The following WDR72 variants were observed in gnomAD, a reference collection of about 807,000 sequenced individuals.
WDR72 encodes WD repeat-containing protein 72.
In WDR72, 120 loss-of-function variants were observed where a neutral mutation model predicts 124.2. The observed-to-expected ratio is 0.97, with a 90% CI of 0.83 to 1.12. The LOEUF is 1.12. Ranked by LOEUF, WDR72 falls within the 50% of genes most tolerant of loss-of-function variation. The pLI, the probability that WDR72 is intolerant of heterozygous loss-of-function variation, is 0.00. For synonymous variants in WDR72, 452 were observed against 441.7 expected (o/e 1.02, Z -0.29); for missense variants, 1,387 against 1,278.8 (o/e 1.08, Z -1.29).
intron 1 of WDR72, among the ~76,000 whole-genome samples, chr15:53,743,057 T>A (rs139465575): frequency 3.9e-5 from 6 of 152,240 alleles, no homozygotes; most frequent in African/African-American, 9.6e-5. Flanking sequence ...TGAATGGGCT[T>A]CAGGAAGCTC....
chr15:53,728,468 C>G (rs754183035), intron 2 of WDR72, among the ~76,000 whole-genome samples: 2 of 152,176 alleles, frequency 1.3e-5, no homozygotes, highest in African/African-American at 2.4e-5. Context: ...GTGTTTAAAT[C>G]CCCATTTCAC....
intron 13 of WDR72, among the ~76,000 whole-genome samples, chr15:53,697,508 A>T (rs2017039155): frequency 1.3e-5 from 2 of 152,178 alleles, no homozygotes; most frequent in African/African-American, 2.4e-5. Context: ...GGGTTCCAAC[A>T]ACAATGTTTT....
At chr15:53,562,140 C>T (rs1313680809) in intron 18 of WDR72, among the ~76,000 whole-genome samples, 2 of 151,646 alleles carry the variant, frequency 1.3e-5, no homozygotes, top group Non-Finnish European at 2.9e-5. Flanking sequence ...AAACTGAGAC[C>T]AGGAGGGGTT....
chr15:53,617,560 A>G (rs1258275917), intron 14 of WDR72, among the ~76,000 whole-genome samples: 1 of 151,728 alleles, frequency 6.6e-6, no homozygotes, highest in Admixed American at 6.6e-5. Flanking sequence ...AAATTTGTCA[A>G]ATAAGGGTTA....
intron 18 of WDR72, among the ~76,000 whole-genome samples, chr15:53,573,867 AT>A (rs1191945445): frequency 6.6e-6 from 1 of 152,070 alleles, no homozygotes; most frequent in African/African-American, 2.4e-5. Flanking sequence ...TTTCATTTGC[AT>A]TTTTTAATTT....
chr15:53,726,447 G>GA (rs2018041792), intron 2 of WDR72, among the ~76,000 whole-genome samples: 1 of 151,476 alleles, frequency 6.6e-6, no homozygotes, highest in Non-Finnish European at 1.5e-5. Context: ...ATAGTCTATT[G>GA]AAATACTTTT....
At chr15:53,529,164 A>ATATATTTTTTTTT (rs59003623) in intron 18 of WDR72, among the ~76,000 whole-genome samples, 11 of 78,154 alleles carry the variant, frequency 1.4e-4, no homozygotes, top group African/African-American at 5.0e-4. Context: ...ATATATATAT[A>ATATATTTTTTTTT]TTTTTTTTTT....
intron 18 of WDR72, among the ~76,000 whole-genome samples, chr15:53,565,023 G>A (rs1392667734): frequency 6.6e-6 from 1 of 151,866 alleles, no homozygotes; most frequent in Non-Finnish European, 1.5e-5. Context: ...AGGAATTAGA[G>A]CTGGGTGCTT....
chr15:53,641,432 G>T (rs1038354216), intron 14 of WDR72, among the ~76,000 whole-genome samples: 2 of 151,958 alleles, frequency 1.3e-5, no homozygotes, highest in African/African-American at 4.8e-5. Context: ...AAGGAAGAAG[G>T]AAGGCTCCAG....
intron 14 of WDR72, among the ~76,000 whole-genome samples, chr15:53,659,441 G>T (rs1045148559): frequency 2.0e-5 from 3 of 152,086 alleles, no homozygotes; most frequent in Admixed American, 2.0e-4. Context: ...CATGGCCAAC[G>T]AATGTTTAGA....
At chr15:53,600,433 A>G (rs2012993202) in intron 17 of WDR72, among the ~76,000 whole-genome samples, 1 of 152,200 alleles carries the variant, frequency 6.6e-6, no homozygotes, top group Non-Finnish European at 1.5e-5. Flanking sequence ...AAAGGTAGAT[A>G]TCAAAGAATC....
intron 18 of WDR72, among the ~76,000 whole-genome samples, chr15:53,588,056 G>T (rs1398653375): frequency 2.0e-5 from 3 of 151,958 alleles, no homozygotes; most frequent in African/African-American, 7.2e-5. Context: ...AATGCCCCTG[G>T]ACTAACACTT....
chr15:53,666,564 C>G (rs888558617), intron 13 of WDR72, among the ~76,000 whole-genome samples: 1 of 152,066 alleles, frequency 6.6e-6, no homozygotes, highest in African/African-American at 2.4e-5. Context: ...TTGTATTATT[C>G]ATACTATATT....
chr15:53,639,411 G>A (rs554970559), intron 14 of WDR72, among the ~76,000 whole-genome samples: 4 of 150,288 alleles, frequency 2.7e-5, no homozygotes, highest in East Asian at 4.0e-4. Context: ...GCAAGAGTTC[G>A]AGACCAGCCT....
chr15:53,735,272 C>A (rs2018319330), intron 1 of WDR72, among the ~76,000 whole-genome samples: 1 of 151,682 alleles, frequency 6.6e-6, no homozygotes, highest in Admixed American at 6.6e-5. Flanking sequence ...GCCTGGGCTA[C>A]AGAGCAAGAC....
chr15:53,696,375 G>A (rs1387214514), intron 13 of WDR72, among the ~76,000 whole-genome samples: 1 of 152,180 alleles, frequency 6.6e-6, no homozygotes, highest in African/African-American at 2.4e-5. Flanking sequence ...ACTTGAAGCA[G>A]AAAGCTAAGG....
intron 14 of WDR72, among the ~76,000 whole-genome samples, chr15:53,649,893 C>CA (rs2015171785): frequency 6.6e-6 from 1 of 151,950 alleles, no homozygotes; most frequent in South Asian, 2.1e-4. Context: ...GGAGGTTCCT[C>CA]AAAAAATTAA....
intron 18 of WDR72, among the ~76,000 whole-genome samples, chr15:53,578,045 T>C (rs564844273): frequency 1.3e-5 from 2 of 152,294 alleles, no homozygotes; most frequent in South Asian, 4.1e-4. Flanking sequence ...ATTTTAATTT[T>C]AGAAGTATGT....
At chr15:53,681,013 T>C (rs1202657528) in intron 13 of WDR72, among the ~76,000 whole-genome samples, 10 of 152,240 alleles carry the variant, frequency 6.6e-5, no homozygotes, top group Non-Finnish European at 1.3e-4. Flanking sequence ...GGACTTGACC[T>C]TTGAATTTGT....
Sources: allele counts gnomAD v4.1 joint callset (sites outside exome capture counted in the v4.1 genomes callset), GRCh38; gene constraint gnomAD v4.1.1; transcripts MANE v1.5; gene names NCBI Gene and HGNC (gene_info 2026-07-23, HGNC 2026-07-21).